Variants in CTNNA2 observed in about 807,000 individuals in gnomAD.
CTNNA2 encodes the protein catenin alpha 2.
CTNNA2 carries 42 observed loss-of-function variants against 101.0 expected under a neutral mutation model. That is an observed-to-expected ratio of 0.42 (90% CI 0.32 to 0.54). The LOEUF is 0.54. CTNNA2 is among the 20% of genes least tolerant of loss of function. CTNNA2 has a pLI of 0.14. For missense variants in CTNNA2, 871 were observed against 1,223.1 expected (o/e 0.71, Z 4.29); for synonymous variants, 450 against 456.4 (o/e 0.99, Z 0.18).
At chr2:80,347,740 T>G (rs553882256) in intron 7 of CTNNA2, among the ~76,000 whole-genome samples, 4 of 152,236 alleles carry the variant, frequency 2.6e-5, no homozygotes, top group African/African-American at 9.6e-5. Flanking sequence ...CCCTAGAAGC[T>G]TTTTGGAAGG....
intron 9 of CTNNA2, among the ~76,000 whole-genome samples, chr2:80,428,675 G>A (rs1386309424): frequency 6.6e-6 from 1 of 152,114 alleles, no homozygotes; most frequent in Non-Finnish European, 1.5e-5. Flanking sequence ...CAAATGTCCT[G>A]GGTTTAAATA....
Position 79,939,263 on chromosome 2 carries a change from GCT to G in CTNNA2, c.1056+29467_1056+29468del, listed in dbSNP as rs555793744. 4.2e-3 allele frequency among the ~76,000 whole-genome samples: 642 copies of G among 152,274 alleles called. 2 individuals carry two copies. The highest frequency in any genetic ancestry group is 0.015 in the African/African-American group (612 of 41,530). ...TGTGTAGACATGGGTAGCTGAAGTAGCTTGTAGCATCTGACTCCAAATTGAGA... is the reference window on the plus strand; with the variant it reads ...TGTGTAGACATGGGTAGCTGAAGTAGTGTAGCATCTGACTCCAAATTGAGA... On this transcript the variant is annotated intron_variant, in intron 7 of 18. Coordinates refer to ENST00000402739, the MANE Select transcript of CTNNA2 (RefSeq NM_001282597.3).
chr2:79,442,987 A>G (rs1344772458), intron 4 of CTNNA2, among the ~76,000 whole-genome samples: 6 of 152,142 alleles, frequency 3.9e-5, no homozygotes, highest in Admixed American at 2.6e-4. Context: ...TTAATATGTC[A>G]GAAGTGAGGC....
chr2:79,269,567 A>G (rs1447681743), intron 2 of CTNNA2, among the ~76,000 whole-genome samples: 1 of 152,152 alleles, frequency 6.6e-6, no homozygotes. Flanking sequence ...TTATTATTCA[A>G]GCAGTCATCA....
chr2:80,647,976 A>G lies in CTNNA2; in HGVS notation c.*104A>G, dbSNP rs967584752. The G allele has an allele frequency of 3.6e-6, 4 of 1,111,200 alleles. No homozygotes were observed. Among genetic ancestry groups the G allele is most frequent in the South Asian group, 3.3e-5 (2 of 61,062 alleles). The allele number at this position is 1,111,200 out of a possible 1,614,324, so 68.8% of individuals were successfully genotyped here. A position where few individuals can be genotyped will look rare whatever the true frequency, so the allele number is the denominator to read the frequency against. ...ACCTGCCAGCTCGTATGCCTCTGGC[A>G]TGGGGAAATTAAGGGAACAGTGTCT... On this transcript the variant is annotated 3_prime_UTR_variant, in exon 19 of 19. Coordinates refer to ENST00000402739, the MANE Select transcript of CTNNA2 (RefSeq NM_001282597.3).
chr2:79,760,788 A>G (rs575119030), intron 3 of CTNNA2, among the ~76,000 whole-genome samples: 4 of 152,310 alleles, frequency 2.6e-5, no homozygotes, highest in South Asian at 2.1e-4. Flanking sequence ...CTATGACACA[A>G]TGCAGTGTTC....
intron 7 of CTNNA2, among the ~76,000 whole-genome samples, chr2:80,016,240 C>T (rs780910626): frequency 6.6e-6 from 1 of 152,192 alleles, no homozygotes; most frequent in South Asian, 2.1e-4. Context: ...AAGTGCTACA[C>T]GCTGGGCTTG....
At chr2:79,979,889 C>T (rs1029847853) in intron 7 of CTNNA2, among the ~76,000 whole-genome samples, 11 of 152,098 alleles carry the variant, frequency 7.2e-5, no homozygotes, top group East Asian at 1.9e-4. Context: ...TTACCTTTTA[C>T]GCAGTAGGAA....
intron 4 of CTNNA2, among the ~76,000 whole-genome samples, chr2:79,465,563 T>C (rs1351512791): frequency 6.6e-6 from 1 of 152,206 alleles, no homozygotes; most frequent in Non-Finnish European, 1.5e-5. Flanking sequence ...ATCTATAAAT[T>C]ACCTTGGGCA....
intron 7 of CTNNA2, among the ~76,000 whole-genome samples, chr2:80,094,965 T>G (rs1700051477): frequency 6.6e-6 from 1 of 152,196 alleles, no homozygotes; most frequent in African/African-American, 2.4e-5. Flanking sequence ...ACCATTTGAC[T>G]TCCTCTTTTC....
chr2:79,214,638 T>A (rs187934914), intron 2 of CTNNA2, among the ~76,000 whole-genome samples: 302 of 150,534 alleles, frequency 2.0e-3, no homozygotes, highest in African/African-American at 7.2e-3. Context: ...AGGGAAGGAG[T>A]AGAGATGTCC....
At chr2:80,440,530 A>G (rs1231143240) in intron 9 of CTNNA2, among the ~76,000 whole-genome samples, 1 of 152,234 alleles carries the variant, frequency 6.6e-6, no homozygotes, top group Non-Finnish European at 1.5e-5. Flanking sequence ...AGGACTGCTC[A>G]CACATTGAGA....
intron 7 of CTNNA2, among the ~76,000 whole-genome samples, chr2:80,110,522 G>T (rs1701150341): frequency 6.6e-6 from 1 of 152,146 alleles, no homozygotes; most frequent in Non-Finnish European, 1.5e-5. Context: ...AATGCTATGA[G>T]AATTAATTAG....
At chr2:79,382,011 G>A (rs1195003051) in intron 4 of CTNNA2, among the ~76,000 whole-genome samples, 3 of 152,162 alleles carry the variant, frequency 2.0e-5, no homozygotes, top group Non-Finnish European at 2.9e-5. Context: ...CTGTAAAGGT[G>A]TTTCTGGAAG....
At chr2:79,821,841 A>G (rs762260228) in intron 3 of CTNNA2, among the ~76,000 whole-genome samples, 30 of 152,302 alleles carry the variant, frequency 2.0e-4, no homozygotes, top group Non-Finnish European at 3.1e-4. Context: ...ACACTACATT[A>G]GAGAGTAGCT....
At chr2:79,451,115 G>T (rs911304353) in intron 4 of CTNNA2, among the ~76,000 whole-genome samples, 4 of 152,058 alleles carry the variant, frequency 2.6e-5, no homozygotes, top group African/African-American at 9.7e-5. Context: ...ACAAACAATG[G>T]TTCCAGCTGA....
chr2:79,848,921 A>G (rs1680455156), intron 3 of CTNNA2, among the ~76,000 whole-genome samples: 1 of 152,112 alleles, frequency 6.6e-6, no homozygotes, highest in African/African-American at 2.4e-5. Flanking sequence ...CACAGCAACA[A>G]TGGCACTGAG....
chr2:79,376,250 AAG>A (rs1279867180), intron 4 of CTNNA2, among the ~76,000 whole-genome samples: 1 of 152,056 alleles, frequency 6.6e-6, no homozygotes, highest in Non-Finnish European at 1.5e-5. Flanking sequence ...GAGCATTACA[AAG>A]AGAGAGTGCT....
rs183080357 is a variant in CTNNA2, at chr2:79,668,416, A to G, written c.102+16758A>G. Among the ~76,000 whole-genome samples, 2 of 119,552 alleles carry G rather than the reference A, an allele frequency of 1.7e-5. 1 individual carries two copies. Among genetic ancestry groups the G allele is most frequent in the East Asian group, 6.4e-4 (2 of 3,102 alleles). The allele number at this position is 119,552 out of a possible 152,430, so 78.4% of individuals were successfully genotyped here. Reference sequence around the variant, plus strand: ...ATTCATTTCCCTCACATCTTTTAAAACTCTGTTAGTTTTTTTTAACACTTA... The same window carrying G: ...ATTCATTTCCCTCACATCTTTTAAAGCTCTGTTAGTTTTTTTTAACACTTA... On this transcript the variant is annotated intron_variant, in intron 2 of 18. Coordinates refer to ENST00000402739, the MANE Select transcript of CTNNA2 (RefSeq NM_001282597.3).
Sources: gnomAD v4.1 joint callset for allele counts (sites outside exome capture counted in the v4.1 genomes callset) on GRCh38, gnomAD v4.1.1 for gene constraint, MANE v1.5 for transcripts, NCBI Gene and HGNC (gene_info 2026-07-23, HGNC 2026-07-21) for gene names.